TEX9: variants seen among roughly 807,000 people sequenced by gnomAD.
TEX9 encodes the protein testis expressed 9.
Under a neutral mutation model 59.6 loss-of-function variants are expected in TEX9, and 74 were observed. The ratio of observed to expected loss-of-function variants is 1.24; its 90% CI spans 1.03 to 1.51. TEX9 has a LOEUF of 1.51. Among genes scored for constraint, TEX9 ranks in the 40% most tolerant of loss-of-function variants. The pLI, the probability that TEX9 is intolerant of heterozygous loss-of-function variation, is 0.00. For synonymous variants in TEX9, 186 were observed against 152.2 expected, an observed-to-expected ratio of 1.22 and a Z score of -1.64; for missense variants, 522 against 447.8, an observed-to-expected ratio of 1.17 and a Z score of -1.49.
rs376858044 is a variant in TEX9 at position 56,381,756 on chromosome 15, T to C, written c.184-2196T>C. ...CTGTCTGAAACTAGGGGTGTGGTGA[T>C]GCAAGCACCCCTGTGCCCAGCACCA... is the stretch of plus-strand genomic sequence containing the variant. On this transcript the variant is annotated intron_variant, in intron 3 of 12. Coordinates refer to ENST00000352903, the Ensembl canonical transcript of TEX9. Among the ~76,000 whole-genome samples the C allele has an allele frequency of 2.0e-5, 3 of 152,342 alleles. 1 individual carries two copies. Among genetic ancestry groups the C allele is most frequent in the Admixed American group, 6.5e-5 (1 of 15,304 alleles).
At chr15:56,262,120 A>C (rs2044282784) in intron 1 of TEX9, among the ~76,000 whole-genome samples, 1 of 152,242 alleles carries the variant, frequency 6.6e-6, no homozygotes, top group African/African-American at 2.4e-5. Context: ...TGGAGAAGCA[A>C]GCACACGAGA....
intron 1 of TEX9, among the ~76,000 whole-genome samples, chr15:56,305,564 T>G (rs2045462520): frequency 6.6e-6 from 1 of 152,098 alleles, no homozygotes; most frequent in African/African-American, 2.4e-5. Context: ...GAAAACTGAG[T>G]ATCTATATGC....
intron 1 of TEX9, among the ~76,000 whole-genome samples, chr15:56,315,787 C>G (rs1159076043): frequency 6.8e-6 from 1 of 147,550 alleles, no homozygotes; most frequent in East Asian, 1.9e-4. Flanking sequence ...TTCAGGTACA[C>G]CAATCAGATG....
chr15:56,447,120 G>T, downstream of TEX9: 1 of 523,002 alleles, frequency 1.9e-6, no homozygotes, highest in African/African-American at 1.9e-5. Context: ...GGGCATTAGG[G>T]CTTACATTTT....
chr15:56,365,426 G>C, upstream of TEX9: 1 of 1,607,640 alleles, frequency 6.2e-7, no homozygotes, highest in South Asian at 1.1e-5. Context: ...TCGTTGCCTC[G>C]GTAACCGCGT....
upstream of TEX9, among the ~76,000 whole-genome samples, chr15:56,364,058 C>T (rs946193591): frequency 2.6e-5 from 4 of 151,972 alleles, no homozygotes; most frequent in African/African-American, 4.8e-5. Context: ...AAGAATTTCC[C>T]CTCTTCCTGT....
intron 12 of TEX9, chr15:56,431,583 T>G: frequency 7.4e-7 from 1 of 1,360,228 alleles, no homozygotes; most frequent in Non-Finnish European, 1.0e-6. Context: ...TGCAATGAAT[T>G]AGATAAAATT....
At chr15:56,375,481 C>T (rs867838609) in intron 3 of TEX9, among the ~76,000 whole-genome samples, 28 of 151,776 alleles carry the variant, frequency 1.8e-4, no homozygotes, top group Admixed American at 7.9e-4. Flanking sequence ...TTCACTCTGA[C>T]GGTAGTTTCT....
intron 12 of TEX9, among the ~76,000 whole-genome samples, chr15:56,435,264 C>G (rs2050701753): frequency 6.6e-6 from 1 of 151,656 alleles, no homozygotes; most frequent in South Asian, 2.1e-4. Context: ...ACTTCAAGAA[C>G]CTATAAAAAG....
chr15:56,389,805 G>T (rs1233751646), intron 6 of TEX9, among the ~76,000 whole-genome samples: 4 of 151,574 alleles, frequency 2.6e-5, no homozygotes, highest in African/African-American at 9.7e-5. Flanking sequence ...AGAATGATTT[G>T]GCATGCTCTA....
At chr15:56,412,173 CGT>C (rs3217284) in intron 9 of TEX9, 127 bp from the exon 10 acceptor site, 26,317 of 635,804 alleles carry the variant, frequency 0.041, no homozygotes, top group South Asian at 0.061. Flanking sequence ...TACCCCCAAG[CGT>C]GTGTGTGTGT....
At chr15:56,257,948 T>C (rs779540177) in intron 1 of TEX9, among the ~76,000 whole-genome samples, 1 of 152,156 alleles carries the variant, frequency 6.6e-6, no homozygotes, top group Non-Finnish European at 1.5e-5. Context: ...CTTTAATCCA[T>C]CTTGAGTTGA....
At chr15:56,260,991 TTA>T (rs1355964922) in intron 1 of TEX9, among the ~76,000 whole-genome samples, 11 of 151,904 alleles carry the variant, frequency 7.2e-5, no homozygotes, top group African/African-American at 1.9e-4. Context: ...ATTATTCATT[TTA>T]TATAGATTGT....
In TEX9 at chr15:56,393,983, A is replaced by G. The variant is rs1430103257; in HGVS notation, c.572-182A>G. 1.3e-5 allele frequency: 6 copies of G among 447,406 alleles called. No homozygotes were observed. In the Admixed American group the frequency reaches 2.7e-4, roughly 20 times the overall value. The allele number at this position is 447,406 out of a possible 1,614,324, so 27.7% of individuals were successfully genotyped here. A position where few individuals can be genotyped will look rare whatever the true frequency, so the allele number is the denominator to read the frequency against. ...CCTGTGATTTCTTTCTGTTGAGTGGATTTATTCGTCATTGACCTTTTCATT... is the reference window on the plus strand; with the variant it reads ...CCTGTGATTTCTTTCTGTTGAGTGGGTTTATTCGTCATTGACCTTTTCATT... On this transcript the variant is annotated intron_variant, in intron 7 of 12. Transcript: ENST00000352903.
At chr15:56,378,806 C>T (rs1373064021) in intron 3 of TEX9, among the ~76,000 whole-genome samples, 3 of 152,100 alleles carry the variant, frequency 2.0e-5, no homozygotes, top group African/African-American at 7.2e-5. Context: ...TGGCTGATAG[C>T]TGTAATCCCA....
intron 1 of TEX9, among the ~76,000 whole-genome samples, chr15:56,295,034 T>C (rs2718951): frequency 0.011 from 1,696 of 152,200 alleles, 28 homozygotes; most frequent in African/African-American, 0.039. Context: ...AGCCTAAATA[T>C]ATATAAATAT....
chr15:56,365,713 T>C (rs1422028857), intron 2 of TEX9, 43 bp downstream of exon 2: 2 of 1,611,998 alleles, frequency 1.2e-6, no homozygotes, highest in South Asian at 2.2e-5. Context: ...TTCTTTCATC[T>C]GAATGAGGCT....
At chr15:56,385,261 T>C (rs1034372059) in intron 4 of TEX9, among the ~76,000 whole-genome samples, 1 of 152,142 alleles carries the variant, frequency 6.6e-6, no homozygotes, top group Non-Finnish European at 1.5e-5. Context: ...GTTGTAACTG[T>C]GGAGTTGTGG....
intron 9 of TEX9, chr15:56,397,893 A>T (rs2048555377): frequency 6.5e-6 from 1 of 152,818 alleles, no homozygotes; most frequent in Admixed American, 6.5e-5. Flanking sequence ...CAGCCATGTG[A>T]AACTGTGAGT....
Sources: gnomAD v4.1 joint callset for allele counts (sites outside exome capture counted in the v4.1 genomes callset) on GRCh38, gnomAD v4.1.1 for gene constraint, MANE v1.5 for transcripts, NCBI Gene and HGNC (gene_info 2026-07-23, HGNC 2026-07-21) for gene names.